The following N4BP1 variants were observed in gnomAD, a reference collection of about 807,000 sequenced individuals.
The protein encoded by N4BP1 is NEDD4-binding protein 1.
A neutral mutation model predicts 70.9 loss-of-function variants in N4BP1; 21 were observed. The ratio of observed to expected loss-of-function variants is 0.30; its 90% CI spans 0.21 to 0.43. N4BP1 has a LOEUF of 0.43. Among genes scored for constraint, N4BP1 ranks in the 20% least tolerant of loss-of-function variants. The pLI is 1.00. For missense variants in N4BP1, 936 were observed against 1,069.4 expected (o/e 0.88, Z 1.74); for synonymous variants, 387 against 394.6 (o/e 0.98, Z 0.23).
intron 1 of N4BP1, among the ~76,000 whole-genome samples, chr16:48,603,464 C>T (rs1567447747): frequency 6.6e-6 from 1 of 152,000 alleles, no homozygotes; most frequent in Non-Finnish European, 1.5e-5. Flanking sequence ...CATGGAGACG[C>T]CAAACAAGTA....
intron 1 of N4BP1, among the ~76,000 whole-genome samples, chr16:48,594,738 G>A (rs374584109): frequency 2.2e-4 from 34 of 152,238 alleles, no homozygotes; most frequent in East Asian, 1.5e-3. Flanking sequence ...CATATAAATA[G>A]GTTATTAGTA....
intron 1 of N4BP1, among the ~76,000 whole-genome samples, chr16:48,584,874 A>G (rs968694658): frequency 6.6e-6 from 1 of 152,246 alleles, no homozygotes; most frequent in Non-Finnish European, 1.5e-5. Context: ...TTATTATTTT[A>G]ATACTAATTT....
At chr16:48,565,250 G>A (rs1446843565) in intron 1 of N4BP1, among the ~76,000 whole-genome samples, 1 of 152,208 alleles carries the variant, frequency 6.6e-6, no homozygotes, top group Non-Finnish European at 1.5e-5. Flanking sequence ...CTACAGGGAA[G>A]CACTCAATCT....
intron 1 of N4BP1, among the ~76,000 whole-genome samples, chr16:48,582,292 T>C (rs768462888): frequency 4.6e-5 from 7 of 152,176 alleles, no homozygotes; most frequent in Non-Finnish European, 1.0e-4. Flanking sequence ...AAATTTTTAA[T>C]TGTGCCCTCT....
chr16:48,579,973 T>C (rs143358960), intron 1 of N4BP1, among the ~76,000 whole-genome samples: 1 of 152,112 alleles, frequency 6.6e-6, no homozygotes, highest in Admixed American at 6.5e-5. Flanking sequence ...CAAATATTAA[T>C]AGATTTGAAG....
chr16:48,585,221 C>T (rs773854965), intron 1 of N4BP1, among the ~76,000 whole-genome samples: 9 of 152,070 alleles, frequency 5.9e-5, no homozygotes, highest in Non-Finnish European at 8.8e-5. Flanking sequence ...GCGTGAGTCA[C>T]GTCACTCGGC....
At chr16:48,578,418 C>G (rs2151094834) in intron 1 of N4BP1, 1 of 152,424 alleles carries the variant, frequency 6.6e-6, no homozygotes, top group South Asian at 2.1e-4. Flanking sequence ...TTTTAGGCTG[C>G]AAGACTACTC....
chr16:48,544,961 C>T (rs558241839), intron 6 of N4BP1, among the ~76,000 whole-genome samples: 2 of 152,072 alleles, frequency 1.3e-5, no homozygotes, highest in Admixed American at 1.3e-4. Flanking sequence ...GGAAAACTAG[C>T]TTTGTTTTTT....
intron 5 of N4BP1, among the ~76,000 whole-genome samples, chr16:48,547,801 C>G (rs1406059915): frequency 1.3e-5 from 2 of 152,236 alleles, no homozygotes; most frequent in African/African-American, 4.8e-5. Context: ...ACTGCCAGCT[C>G]TGCTGCTCTG....
chr16:48,592,836 A>C (rs1024552003), intron 1 of N4BP1, among the ~76,000 whole-genome samples: 1 of 152,232 alleles, frequency 6.6e-6, no homozygotes, highest in Non-Finnish European at 1.5e-5. Context: ...TGGAGCCATT[A>C]CATTCTAGGT....
At chr16:48,604,101 C>T (rs1006269760) in intron 1 of N4BP1, among the ~76,000 whole-genome samples, 11 of 152,216 alleles carry the variant, frequency 7.2e-5, no homozygotes, top group Non-Finnish European at 5.9e-5. Flanking sequence ...TTACTTCATC[C>T]CAGTCCTTTT....
chr16:48,549,767 C>A (rs768655817), intron 4 of N4BP1, among the ~76,000 whole-genome samples: 8 of 152,206 alleles, frequency 5.3e-5, no homozygotes, highest in Non-Finnish European at 1.2e-4. Context: ...CCCAAGCCCC[C>A]CATCCCTCTG....
intron 1 of N4BP1, among the ~76,000 whole-genome samples, chr16:48,588,461 A>AT (rs1964281215): frequency 6.6e-6 from 1 of 151,784 alleles, no homozygotes; most frequent in Non-Finnish European, 1.5e-5. Flanking sequence ...TGCCTGGCTA[A>AT]TTTTTGTATT....
intron 1 of N4BP1, among the ~76,000 whole-genome samples, chr16:48,567,770 T>C (rs979011854): frequency 3.9e-5 from 6 of 152,248 alleles, no homozygotes; most frequent in Non-Finnish European, 7.3e-5. Flanking sequence ...ATTTTCTATA[T>C]GATGTTTTGA....
In N4BP1 at chr16:48,542,279, TTCTGTGAGACTAAC is replaced by T. The variant is rs1204855240; in HGVS notation, c.*611_*624del. 2 of 152,518 alleles carry T rather than the reference TTCTGTGAGACTAAC, an allele frequency of 1.3e-5. No homozygotes were observed. The highest frequency in any genetic ancestry group is 2.9e-5 in the Non-Finnish European group (2 of 68,078). The allele number at this position is 152,518 out of a possible 1,614,324, so 9.4% of individuals were successfully genotyped here. A position where few individuals can be genotyped will look rare whatever the true frequency, so the allele number is the denominator to read the frequency against. ...TCCACGATGTCTTCTAGCCCTGGTATTCTGTGAGACTAACTTCGCCCTGGTCATTCACCATGGCT... is the reference window on the plus strand; with the variant it reads ...TCCACGATGTCTTCTAGCCCTGGTATTTCGCCCTGGTCATTCACCATGGCT... On this transcript the variant is annotated 3_prime_UTR_variant, in exon 7 of 7. Transcript: ENST00000262384.
chr16:48,543,476 G>T (rs1189439308), intron 6 of N4BP1, among the ~76,000 whole-genome samples: 1 of 152,148 alleles, frequency 6.6e-6, no homozygotes, highest in Non-Finnish European at 1.5e-5. Flanking sequence ...GCGTGCCAGG[G>T]AATCAATGCG....
At chr16:48,608,660 G>C (rs1056724958) in intron 1 of N4BP1, among the ~76,000 whole-genome samples, 1 of 151,896 alleles carries the variant, frequency 6.6e-6, no homozygotes, top group Non-Finnish European at 1.5e-5. Context: ...TTTGGAAAGG[G>C]GGGGAAGTAG....
chr16:48,582,498 C>T (rs536167359), intron 1 of N4BP1, among the ~76,000 whole-genome samples: 64 of 152,180 alleles, frequency 4.2e-4, no homozygotes, highest in African/African-American at 1.3e-3. Context: ...AGAGTAGTAA[C>T]GTTGGCAATT....
At chr16:48,552,451 G>C (rs941844427) in intron 3 of N4BP1, among the ~76,000 whole-genome samples, 4 of 151,958 alleles carry the variant, frequency 2.6e-5, no homozygotes, top group Non-Finnish European at 5.9e-5. Flanking sequence ...TGTAATCCCA[G>C]CACTTTGGGA....
Sources: gnomAD v4.1 joint callset for allele counts (sites outside exome capture counted in the v4.1 genomes callset) on GRCh38, gnomAD v4.1.1 for gene constraint, MANE v1.5 for transcripts, NCBI Gene and HGNC (gene_info 2026-07-23, HGNC 2026-07-21) for gene names.